Variants in CPNE6 observed in about 807,000 individuals in gnomAD.
The protein encoded by CPNE6 is copine-6.
Under a neutral mutation model 71.5 loss-of-function variants are expected in CPNE6, and 33 were observed. The ratio of observed to expected loss-of-function variants is 0.46; its 90% CI spans 0.35 to 0.62. The LOEUF (loss-of-function observed/expected upper bound fraction) is 0.62, where lower values mean the gene tolerates loss of function less well. Ranked by LOEUF, CPNE6 falls within the 20% of genes least tolerant of loss-of-function variation. The pLI, the probability that CPNE6 is intolerant of heterozygous loss-of-function variation, is 0.00. For missense variants in CPNE6, 576 were observed against 747.3 expected (o/e 0.77, Z 2.67); for synonymous variants, 296 against 293.0 (o/e 1.01, Z -0.10).
intron 1 of CPNE6, 61 bp from the exon 1 acceptor site, chr14:24,071,501 G>GACCCC: frequency 2.1e-6 from 3 of 1,416,704 alleles, no homozygotes; most frequent in South Asian, 1.3e-5. Context: ...CTGGTGCTGC[G>GACCCC]CCCCCCCCCA....
exon 12 of CPNE6, chr14:24,076,205 C>T: frequency 6.2e-7 from 1 of 1,614,204 alleles, no homozygotes; most frequent in South Asian, 1.1e-5. Flanking sequence ...AGTCCCTGCA[C>T]TGCCTCAGTC....
chr14:24,075,448 G>A lies in CPNE6; in HGVS notation c.778-57G>A. 2.6e-6 allele frequency: 4 copies of A among 1,542,946 alleles called. No individual in the cohort carries two copies. The highest frequency in any genetic ancestry group is 3.6e-6 in the Non-Finnish European group (4 of 1,123,562). ...TGCTCTGGGAGGCTCTGCTGGAAGG[G>A]AGAAAGAGGGGTCACCTGATGGACT... On this transcript the variant is annotated intron_variant, in intron 9 of 17. Transcript: ENST00000397016. The surrounding 1 kb of genome is among the most constrained non-coding windows in gnomAD (Gnocchi z 4.3).
rs554873847 is a variant in CPNE6, at chr14:24,075,152, C to A, written c.673-20C>A. ...CAGAGCATCTCCAACCTGACCCCAC[C>A]CCTCCCCCTGCCTTCTCAGTTCCTG... is the stretch of plus-strand genomic sequence containing the variant. On this transcript the variant is annotated intron_variant, in intron 8 of 17. Coordinates refer to ENST00000397016, the Ensembl canonical transcript of CPNE6. The surrounding 1 kb of genome is among the most constrained non-coding windows in gnomAD (Gnocchi z 4.3). 23 of 1,589,602 alleles carry A rather than the reference C, an allele frequency of 1.4e-5. No individual in the cohort carries two copies. In the African/African-American group the frequency reaches 2.3e-4, roughly 16 times the overall value.
chr14:24,074,497 C>A lies in CPNE6; in HGVS notation c.499-34C>A, dbSNP rs1047978150. 2 of 1,606,670 alleles carry A rather than the reference C, an allele frequency of 1.2e-6. No individual in the cohort carries two copies. Among genetic ancestry groups the A allele is most frequent in the African/African-American group, 1.3e-5 (1 of 74,768 alleles). ...TCCCCCACCCTCCTTGCAGCTCTCACCAACCTCAAGGGCCCTTTCTCCTGT... is the reference window on the plus strand; with the variant it reads ...TCCCCCACCCTCCTTGCAGCTCTCAACAACCTCAAGGGCCCTTTCTCCTGT... On this transcript the variant is annotated intron_variant, in intron 6 of 17. Coordinates refer to ENST00000397016, the Ensembl canonical transcript of CPNE6. The surrounding 1 kb of genome is among the most constrained non-coding windows in gnomAD (Gnocchi z 4.5).
At chr14:24,071,377 C>G in intron 1 of CPNE6, 185 bp from the exon 1 acceptor site, 1 of 1,445,318 alleles carries the variant, frequency 6.9e-7, no homozygotes, top group Non-Finnish European at 9.1e-7. Context: ...CTGTGGGGGT[C>G]CTGCCTCTAA....
chr14:24,073,793 C>A lies in CPNE6; in HGVS notation c.348+115C>A. ...AGCTAGTTCAACCCAGCCTTGGCTC[C>A]CATCTCTGCCATTCACTAGCTGTGC... On this transcript the variant is annotated intron_variant, in intron 4 of 17. Coordinates refer to ENST00000397016, the Ensembl canonical transcript of CPNE6. The surrounding 1 kb of genome is among the most constrained non-coding windows in gnomAD (Gnocchi z 5.5). 9.1e-7 allele frequency: 1 copy of A among 1,099,250 alleles called. No individual in the cohort carries two copies. Among genetic ancestry groups the A allele is most frequent in the Non-Finnish European group, 1.3e-6 (1 of 768,202 alleles). 68.1% of individuals were successfully genotyped at this position (1,099,250 alleles called of 1,614,324 possible). A position where few individuals can be genotyped will look rare whatever the true frequency, so the allele number is the denominator to read the frequency against.
intron 13 of CPNE6, 30 bp downstream of exon 12, chr14:24,076,444 TG>T (rs751695325): frequency 2.2e-5 from 36 of 1,614,066 alleles, no homozygotes; most frequent in Non-Finnish European, 3.0e-5. Flanking sequence ...AAGAAGGAGA[TG>T]GGGGGCGTGT....
Position 24,075,250 on chromosome 14 carries a change from G to A in CPNE6, c.751G>A (p.Glu251Lys). 2.5e-6 allele frequency: 4 copies of A among 1,614,146 alleles called. No individual in the cohort carries two copies. Among genetic ancestry groups the A allele is most frequent in the South Asian group, 1.1e-5 (1 of 91,078 alleles). ...CACCAGCACTTTCCAGGAGATGCAG[G>A]AAGGGACGGCAAACCCTGGGCAGGA... Residue 251 changes from glutamate (E) to lysine (K), a missense_variant, in exon 9 of 18, where the codon GAA becomes AAA. Physicochemically the swap from Glu to Lys is moderately conservative, Grantham distance 56 (BLOSUM62 1). This residue lies in a region of CPNE6 where 214 missense variants were observed against 291.2 expected (regional missense o/e 0.73). Coordinates refer to ENST00000397016, the Ensembl canonical transcript of CPNE6. This position sits in a 1 kb window ranked among gnomAD's most constrained non-coding sequence, Gnocchi z 4.3.
Position 24,077,768 on chromosome 14 carries a change from G to C in CPNE6, c.*37+1G>C. ...GGACCGACACTCCCTCAGCCTCTCA[G>C]TGAGTCCTGGGGCTTCCAAAGGAGT... On this transcript the variant is annotated splice_donor_variant, in intron 17 of 17. Transcript: ENST00000397016. LOFTEE classifies it low-confidence loss of function (3UTR_SPLICE). The surrounding 1 kb of genome is among the most constrained non-coding windows in gnomAD (Gnocchi z 6.1). 6.7e-7 allele frequency: 1 copy of C among 1,502,774 alleles called. No homozygotes were observed. Among genetic ancestry groups the C allele is most frequent in the Non-Finnish European group, 8.9e-7 (1 of 1,127,770 alleles). 93.1% of individuals were successfully genotyped at this position (1,502,774 alleles called of 1,614,324 possible).
chr14:24,071,338 T>A (rs2035890409), intron 1 of CPNE6: 1 of 1,438,052 alleles, frequency 7.0e-7, no homozygotes, highest in Non-Finnish European at 9.1e-7. Flanking sequence ...GTGGGTGTAG[T>A]GTGAAGGGGA....
In CPNE6 at chr14:24,077,397, C is replaced by A. The variant is rs746275555; in HGVS notation, c.1536+7C>A. ...CTTCCGAGACTTCAAGGATGTGAGT[C>A]CCCCGGGCCCCTTCCGGCTGAAGGA... On this transcript the variant is annotated splice_region_variant and intron_variant, in intron 16 of 17. Coordinates refer to ENST00000397016, the Ensembl canonical transcript of CPNE6. The surrounding 1 kb of genome is among the most constrained non-coding windows in gnomAD (Gnocchi z 6.1). 1.9e-6 allele frequency: 3 copies of A among 1,611,368 alleles called. No homozygotes were observed. The highest frequency in any genetic ancestry group is 2.2e-5 in the South Asian group (2 of 91,024).
chr14:24,071,501 GC>G (rs372732697), intron 1 of CPNE6, 60 bp from the exon 1 acceptor site: 78,408 of 1,412,074 alleles, frequency 0.056, 1,584 homozygotes, highest in East Asian at 0.15. Flanking sequence ...CTGGTGCTGC[GC>G]CCCCCCCCAC....
chr14:24,075,531 G>A lies in CPNE6; in HGVS notation c.804G>A (p.Lys268=). The stretch of plus-strand genomic sequence containing the variant: ...TGCAGTGGGACTGTATCAACCCCAA[G>A]TATCGGGACAAGAAGAAGAATTACA... Residue 268 remains lysine (K), a synonymous_variant, in exon 10 of 18, where the codon AAG becomes AAA. Coordinates refer to ENST00000397016, the Ensembl canonical transcript of CPNE6. The surrounding 1 kb of genome is among the most constrained non-coding windows in gnomAD (Gnocchi z 4.3). 1 of 1,612,602 alleles carries A rather than the reference G, an allele frequency of 6.2e-7. No individual in the cohort carries two copies. Among genetic ancestry groups the A allele is most frequent in the Non-Finnish European group, 8.5e-7 (1 of 1,179,412 alleles).
At position 24,077,011 on chromosome 14, in the gene CPNE6, C is replaced by T. The variant is rs1356633648; in HGVS notation, c.1298C>T (p.Thr433Met). Residue 433 changes from threonine to methionine, a missense_variant and splice_region_variant, in exon 15 of 18, where the codon ACG becomes ATG. Physicochemically the swap from Thr to Met is moderately conservative, Grantham distance 81. Coordinates refer to ENST00000397016, the Ensembl canonical transcript of CPNE6. The surrounding 1 kb of genome is among the most constrained non-coding windows in gnomAD (Gnocchi z 6.1). Reference sequence around the variant, plus strand: ...CGGGAGCAGAGCACCGGCCAAGCCACGGTAGGAAGACATGGCGGGCAAACA... The same window carrying T: ...CGGGAGCAGAGCACCGGCCAAGCCATGGTAGGAAGACATGGCGGGCAAACA... The T allele has an allele frequency of 1.5e-5, 24 of 1,609,792 alleles. No homozygotes were observed. The highest frequency in any genetic ancestry group is 5.3e-5 in the African/African-American group (4 of 74,936).
intron 14 of CPNE6, 112 bp from the exon 14 acceptor site, chr14:24,076,767 G>T: frequency 6.5e-7 from 1 of 1,548,356 alleles, no homozygotes; most frequent in South Asian, 1.1e-5. Context: ...CTTAATGAAG[G>T]AACTCGAGGG....
chr14:24,071,448 C>A, intron 1 of CPNE6, 114 bp from the exon 1 acceptor site: 1 of 1,501,502 alleles, frequency 6.7e-7, no homozygotes, highest in South Asian at 1.3e-5. Flanking sequence ...TGTGGCCCTG[C>A]CCCTTCCCTC....
chr14:24,071,689 GGCCCA>G, intron 2 of CPNE6, 48 bp downstream of exon 1: 1 of 701,932 alleles, frequency 1.4e-6, no homozygotes, highest in Non-Finnish European at 2.5e-6. Flanking sequence ...AGCCCAGCTT[GGCCCA>G]GTCTCCATAA....
intron 2 of CPNE6, 37 bp downstream of exon 1, chr14:24,071,678 C>T (rs777945490): frequency 2.4e-4 from 179 of 748,176 alleles, no homozygotes; most frequent in Non-Finnish European, 4.0e-5. Flanking sequence ...AGCCCCAGCC[C>T]AGCCCAGCTT....
chr14:24,075,750 C>T lies in CPNE6; in HGVS notation c.865-77C>T, dbSNP rs1181953559. ...AAAAAACTCTGGCTCCCCCATGTTC[C>T]CCACAGAAGCCCTACCCAAGCTCCC... is the stretch of plus-strand genomic sequence containing the variant. On this transcript the variant is annotated intron_variant, in intron 10 of 17. Coordinates refer to ENST00000397016, the Ensembl canonical transcript of CPNE6. The surrounding 1 kb of genome is among the most constrained non-coding windows in gnomAD (Gnocchi z 4.3). 2 of 1,467,786 alleles carry T rather than the reference C, an allele frequency of 1.4e-6. No homozygotes were observed. The highest frequency in any genetic ancestry group is 2.8e-5 in the African/African-American group (2 of 71,782). 90.9% of individuals were successfully genotyped at this position (1,467,786 alleles called of 1,614,324 possible). A position where few individuals can be genotyped will look rare whatever the true frequency, so the allele number is the denominator to read the frequency against.
Sources: allele counts gnomAD v4.1 joint callset, GRCh38; gene constraint gnomAD v4.1.1; regional missense constraint gnomAD v4.1.1; non-coding constraint Gnocchi (gnomAD v3.1); transcripts MANE v1.5; gene names NCBI Gene and HGNC (gene_info 2026-07-23, HGNC 2026-07-21).